The following SCN11A variants were observed in gnomAD, a reference collection of about 807,000 sequenced individuals.
The protein encoded by SCN11A is sodium voltage-gated channel alpha subunit 11.
SCN11A carries 122 observed loss-of-function variants against 162.2 expected under a neutral mutation model. The ratio of observed to expected loss-of-function variants is 0.75; its 90% confidence interval spans 0.65 to 0.87. The LOEUF is 0.87. SCN11A is among the 40% of genes least tolerant of loss of function. SCN11A has a pLI of 0.00. For synonymous variants in SCN11A, 758 were observed against 751.5 expected (o/e 1.01, Z -0.14); for missense variants, 2,015 against 2,181.6 (o/e 0.92, Z 1.52).
rs2126095948 is a variant in SCN11A, at chr3:38,871,554, T to G, written c.3650A>C (p.Tyr1217Ser). ...CINGTDSVINYTIITNKSQCE... is the reference protein window; with the variant it reads ...CINGTDSVINSTIITNKSQCE... ...TTGACTTTTATTTGTAATGATGGTATAATTTATAACTGAGTCTGTTCCATT... is the reference window on the plus strand; with the variant it reads ...TTGACTTTTATTTGTAATGATGGTAGAATTTATAACTGAGTCTGTTCCATT... The change falls in exon 25 of 30, where the codon TAT becomes TCT. Residue 1217 changes from tyrosine (Y) to serine (S), a missense_variant. Tyr to Ser is a moderately radical substitution (Grantham distance 144, BLOSUM62 -2). Coordinates refer to ENST00000302328, the MANE Select transcript of SCN11A (RefSeq NM_001349253.2). The G allele has an allele frequency of 6.2e-7, 1 of 1,613,006 alleles. No homozygotes were observed. Among genetic ancestry groups the G allele is most frequent in the Non-Finnish European group, 8.5e-7 (1 of 1,179,250 alleles).
At chr3:38,953,221 C>T (rs1229419426) in intron 4 of SCN11A, among the ~76,000 whole-genome samples, 1 of 151,852 alleles carries the variant, frequency 6.6e-6, no homozygotes, top group East Asian at 1.9e-4. Context: ...AACTCATGGA[C>T]ACATAGAGGG....
At chr3:38,931,745 C>A (rs1409421391) in intron 7 of SCN11A, among the ~76,000 whole-genome samples, 3 of 152,170 alleles carry the variant, frequency 2.0e-5, no homozygotes, top group Non-Finnish European at 4.4e-5. Context: ...ACCAGAGGTA[C>A]AAACAGCTGC....
intron 16 of SCN11A, among the ~76,000 whole-genome samples, chr3:38,900,477 A>C (rs1331021658): frequency 1.3e-5 from 2 of 152,216 alleles, no homozygotes; most frequent in Admixed American, 6.5e-5. Flanking sequence ...TGTAAACAAT[A>C]GCCCTGAAAA....
chr3:38,905,949 A>G (rs1016104471), intron 14 of SCN11A, among the ~76,000 whole-genome samples: 10 of 152,214 alleles, frequency 6.6e-5, no homozygotes, highest in African/African-American at 2.4e-4. Context: ...ACCTCCAGCT[A>G]TCCAGAAAAT....
intron 17 of SCN11A, among the ~76,000 whole-genome samples, chr3:38,898,225 C>T (rs991360502): frequency 2.6e-5 from 4 of 152,126 alleles, no homozygotes; most frequent in African/African-American, 9.7e-5. Flanking sequence ...GCAACAGAGC[C>T]AAACTCTGTC....
chr3:39,050,133 T>C (rs1280689908), intron 1 of SCN11A, among the ~76,000 whole-genome samples: 1 of 152,230 alleles, frequency 6.6e-6, no homozygotes, highest in African/African-American at 2.4e-5. Flanking sequence ...CCCATTGGTC[T>C]AAAAGATCCT....
intron 23 of SCN11A, among the ~76,000 whole-genome samples, chr3:38,874,314 A>G (rs1215575412): frequency 6.6e-6 from 1 of 152,106 alleles, no homozygotes. Flanking sequence ...AATTTTTGCC[A>G]TGGCTGGGCA....
intron 2 of SCN11A, among the ~76,000 whole-genome samples, chr3:39,013,831 T>C (rs1163582627): frequency 6.6e-6 from 1 of 152,232 alleles, no homozygotes; most frequent in Non-Finnish European, 1.5e-5. Flanking sequence ...TCTGGCTGTA[T>C]CTTCTCATAC....
At chr3:38,963,013 C>T (rs2066751437) in intron 2 of SCN11A, among the ~76,000 whole-genome samples, 1 of 151,798 alleles carries the variant, frequency 6.6e-6, no homozygotes, top group Non-Finnish European at 1.5e-5. Flanking sequence ...AACCTTACTC[C>T]TGCAAGAATG....
chr3:38,945,496 T>C lies in SCN11A; in HGVS notation c.403A>G (p.Ile135Val), dbSNP rs755036016. Reference protein sequence around the residue: ...VSVHSLFSMFIIGTVIINCVF... With the variant: ...VSVHSLFSMFVIGTVIINCVF... The stretch of plus-strand genomic sequence containing the variant: ...CAGTTGATGATAACGGTGCCGATAA[T>C]GAACATGCTGAACAATGTGGCCAGC... Residue 135 changes from isoleucine to valine, a missense_variant, in exon 7 of 30, where the codon ATT becomes GTT. Transcript: ENST00000302328. 3.8e-6 allele frequency: 6 copies of C among 1,567,606 alleles called. No individual in the cohort carries two copies. The South Asian group carries it at 4.7e-5, about 12-fold the overall frequency.
At position 38,867,385 on chromosome 3, in the gene SCN11A, G is replaced by A; in HGVS notation, c.3887C>T (p.Ser1296Leu). The A allele has an allele frequency of 6.2e-7, 1 of 1,612,802 alleles. No individual in the cohort carries two copies. Among genetic ancestry groups the A allele is most frequent in the Non-Finnish European group, 8.5e-7 (1 of 1,178,854 alleles). ...IYFVVFIIFG[S>L]FFTLNLFIGV... ...AATGAAGAGATTCAGAGTGAAGAAT[G>A]AGCCAAAGATGATAAAGACTACGAA... Residue 1296 changes from serine (S) to leucine (L), a missense_variant, in exon 27 of 30, where the codon TCA becomes TTA. Coordinates refer to ENST00000302328, the MANE Select transcript of SCN11A (RefSeq NM_001349253.2).
At chr3:38,902,209 A>G (rs1279783389) in intron 16 of SCN11A, among the ~76,000 whole-genome samples, 2 of 152,186 alleles carry the variant, frequency 1.3e-5, no homozygotes, top group Non-Finnish European at 2.9e-5. Context: ...GCTGCCTTCA[A>G]CTGAAACAAT....
Position 38,950,070 on chromosome 3 carries a change from CCCCCCCCCCCCG to C in SCN11A, c.267+14_267+25del, listed in dbSNP as rs2066582248. On this transcript the variant is annotated intron_variant, in intron 5 of 29. Transcript: ENST00000302328. ...CATGGTTAGAACACCCCCACCCCCA[CCCCCCCCCCCCG>C]CCCAATGAAGTACCTTATGATTTCG... The C allele has an allele frequency of 1.7e-5, 1 of 59,866 alleles. No homozygotes were observed. The highest frequency in any genetic ancestry group is 8.7e-5 in the African/African-American group (1 of 11,446). The allele number at this position is 59,866 out of a possible 1,614,324, so 3.7% of individuals were successfully genotyped here.
At chr3:39,012,745 G>A (rs2031183751) in intron 2 of SCN11A, among the ~76,000 whole-genome samples, 1 of 152,148 alleles carries the variant, frequency 6.6e-6, no homozygotes, top group South Asian at 2.1e-4. Context: ...AAAGTGCTGG[G>A]ATTACAGGCG....
At chr3:38,996,198 T>C (rs180755538) in intron 2 of SCN11A, among the ~76,000 whole-genome samples, 13 of 152,246 alleles carry the variant, frequency 8.5e-5, no homozygotes, top group Non-Finnish European at 1.3e-4. Context: ...TATTTTGTCA[T>C]AGAAGCCTAC....
At chr3:39,000,000 C>T (rs1000380731) in intron 2 of SCN11A, among the ~76,000 whole-genome samples, 1 of 152,122 alleles carries the variant, frequency 6.6e-6, no homozygotes, top group Non-Finnish European at 1.5e-5. Context: ...AGGAACTGAC[C>T]AATACCCCCT....
chr3:38,964,287 A>G (rs114568411), intron 2 of SCN11A, among the ~76,000 whole-genome samples: 3,771 of 152,310 alleles, frequency 0.025, 83 homozygotes, highest in South Asian at 0.064. Context: ...TGGCTTCAGC[A>G]TCAGTGGCCA....
chr3:38,995,399 C>T (rs12639138), intron 2 of SCN11A, among the ~76,000 whole-genome samples: 15,911 of 152,140 alleles, frequency 0.1, 1,048 homozygotes, highest in East Asian at 0.22. Context: ...GAATTACAGG[C>T]GTGAGCCATG....
rs373403886 is a variant in SCN11A at position 38,885,359 on chromosome 3, T to C, written c.2993A>G (p.Asp998Gly). The C allele has an allele frequency of 1.8e-5, 29 of 1,613,298 alleles. No homozygotes were observed. Among genetic ancestry groups the C allele is most frequent in the South Asian group, 3.3e-5 (3 of 91,074 alleles). The change falls in exon 21 of 30, where the codon GAT (aspartate) becomes GGT (glycine). Residue 998 changes from aspartate to glycine, a missense_variant. Physicochemically the swap from Asp to Gly is moderately conservative, Grantham distance 94. Transcript: ENST00000302328. ...TSILSECSTIDLQDGFGWLPE... is the reference protein window; with the variant it reads ...TSILSECSTIGLQDGFGWLPE... Reference sequence around the variant, plus strand: ...TAACCATCCAAAGCCATCCTGAAGATCAATGGTGCTACATTCTGATAGTAT... The same window carrying C: ...TAACCATCCAAAGCCATCCTGAAGACCAATGGTGCTACATTCTGATAGTAT...
Sources: allele counts gnomAD v4.1 joint callset (sites outside exome capture counted in the v4.1 genomes callset), GRCh38; gene constraint gnomAD v4.1.1; transcripts MANE v1.5; gene names NCBI Gene and HGNC (gene_info 2026-07-23, HGNC 2026-07-21).